RIMBP2: variants seen among roughly 807,000 people sequenced by gnomAD.
RIMBP2 encodes RIMS binding protein 2, also known as RIMS-binding protein 2.
A neutral mutation model predicts 118.6 loss-of-function variants in RIMBP2; 48 were observed. That is an observed-to-expected ratio of 0.40 (90% CI 0.32 to 0.51). The LOEUF is 0.51. RIMBP2 is among the 20% of genes least tolerant of loss of function. The pLI is 0.41. For missense variants in RIMBP2, 1,551 were observed against 1,768.3 expected, an observed-to-expected ratio of 0.88 and a Z score of 2.20; for synonymous variants, 762 against 742.9, an observed-to-expected ratio of 1.03 and a Z score of -0.42.
Position 130,437,005 on chromosome 12 carries a change from G to C in RIMBP2, c.1943C>G (p.Pro648Arg). The C allele has an allele frequency of 6.2e-7, 1 of 1,603,936 alleles. No individual in the cohort carries two copies. Among genetic ancestry groups the C allele is most frequent in the South Asian group, 1.1e-5 (1 of 89,466 alleles). The change falls in exon 13 of 23, where the codon CCT (proline) becomes CGT (arginine). Residue 648 changes from proline to arginine, a missense_variant. This residue lies in a region of RIMBP2 where 1,038 missense variants were observed against 1,125.1 expected (regional missense o/e 0.92). Coordinates refer to ENST00000690449, the MANE Select transcript of RIMBP2 (RefSeq NM_001393629.1). ...CAGCATGTGCCCATGCACAGGGCCA[G>C]GTGCACGGCTCTGCTCCCAGGCCTC... is the stretch of plus-strand genomic sequence containing the variant. ...MDEAWEQSRA[P>R]GPVHGHMLEP...
In RIMBP2 at chr12:130,620,815, AG is replaced by A. The variant is rs1296899318; in HGVS notation, c.-217+7506del. Among the ~76,000 whole-genome samples, 1 of 152,136 alleles carries A rather than the reference AG, an allele frequency of 6.6e-6. No individual in the cohort carries two copies. The highest frequency in any genetic ancestry group is 1.9e-4 in the East Asian group (1 of 5,168). On this transcript the variant is annotated intron_variant, in intron 2 of 22. Transcript: ENST00000690449. The surrounding 1 kb of genome is among the most constrained non-coding windows in gnomAD (Gnocchi z 5.3). Reference sequence around the variant, plus strand: ...CGTCTCCAAGTAAGATCACATTTTGAGGGGGCTGGGCCTCCAACATTCTTTT... The same window carrying A: ...CGTCTCCAAGTAAGATCACATTTTGAGGGGCTGGGCCTCCAACATTCTTTT...
rs1479613327 is a variant in RIMBP2, at chr12:130,670,141, T to G, written c.-351-41685A>C. Among the ~76,000 whole-genome samples, 2 of 152,034 alleles carry G rather than the reference T, an allele frequency of 1.3e-5. No individual in the cohort carries two copies. The highest frequency in any genetic ancestry group is 3.9e-4 in the East Asian group (2 of 5,152). On this transcript the variant is annotated intron_variant, in intron 1 of 22. Transcript: ENST00000690449. This position sits in a 1 kb window ranked among gnomAD's most constrained non-coding sequence, Gnocchi z 4.9. ...ACCCCGGGGGCAGACACTGGAGTGA[T>G]GCTGCCAGGAGCCCAGGAATGCCTA...
Position 130,500,885 on chromosome 12 carries a change from C to T in RIMBP2, c.-4+5763G>A, listed in dbSNP as rs1457471141. 8.5e-5 allele frequency among the ~76,000 whole-genome samples: 13 copies of T among 152,234 alleles called. No homozygotes were observed. The East Asian group carries it at 2.5e-3, about 29-fold the overall frequency. ...AGCTTCATGCTTTAACCCAAGTGAG[C>T]CGCTTCTATCACTCTACCACACGCG... On this transcript the variant is annotated intron_variant, in intron 4 of 22. Transcript: ENST00000690449.
intron 3 of RIMBP2, among the ~76,000 whole-genome samples, chr12:130,508,654 G>A (rs2050599949): frequency 6.6e-6 from 1 of 152,076 alleles, no homozygotes; most frequent in African/African-American, 2.4e-5. Flanking sequence ...GTGTCCACGT[G>A]TGCTCAGCAC....
At chr12:130,624,217 C>G (rs2061489300) in intron 2 of RIMBP2, among the ~76,000 whole-genome samples, 1 of 152,208 alleles carries the variant, frequency 6.6e-6, no homozygotes, top group Admixed American at 6.5e-5. Context: ...ATATAGTTTT[C>G]TTTAAAGCAC....
At chr12:130,574,096 C>G (rs1005271505) in intron 2 of RIMBP2, among the ~76,000 whole-genome samples, 3 of 152,068 alleles carry the variant, frequency 2.0e-5, no homozygotes, top group Non-Finnish European at 2.9e-5. Context: ...TACTTTCCCC[C>G]CTTCAGAGGG....
At chr12:130,711,367 C>A (rs1051951499) in intron 1 of RIMBP2, among the ~76,000 whole-genome samples, 6 of 152,190 alleles carry the variant, frequency 3.9e-5, no homozygotes, top group Non-Finnish European at 8.8e-5. Context: ...TCACGTTTTG[C>A]TGGATTCCAT....
chr12:130,494,448 G>A (rs941530997), intron 4 of RIMBP2, among the ~76,000 whole-genome samples: 1 of 152,080 alleles, frequency 6.6e-6, no homozygotes, highest in Non-Finnish European at 1.5e-5. Flanking sequence ...AGACCAGCCT[G>A]GCCAACATGC....
chr12:130,636,751 G>A (rs755174049), intron 1 of RIMBP2, among the ~76,000 whole-genome samples: 9 of 152,178 alleles, frequency 5.9e-5, no homozygotes, highest in Non-Finnish European at 7.3e-5. Flanking sequence ...AGAGAACAGC[G>A]CTGAGCTATG....
chr12:130,598,114 T>G (rs534617767), intron 2 of RIMBP2, among the ~76,000 whole-genome samples: 1 of 152,186 alleles, frequency 6.6e-6, no homozygotes, highest in East Asian at 1.9e-4. Flanking sequence ...AACTTAAAGT[T>G]TAAAAAAATA....
At chr12:130,690,182 T>A (rs1235781495) in intron 1 of RIMBP2, among the ~76,000 whole-genome samples, 1 of 152,204 alleles carries the variant, frequency 6.6e-6, no homozygotes, top group East Asian at 1.9e-4. Context: ...GCTCTCGGCT[T>A]GTGCAGGCTC....
chr12:130,650,996 T>C (rs894445325), intron 1 of RIMBP2, among the ~76,000 whole-genome samples: 4 of 148,416 alleles, frequency 2.7e-5, no homozygotes, highest in African/African-American at 9.9e-5. Flanking sequence ...GAAAAGAAAC[T>C]GCTTTGTAAA....
At chr12:130,502,864 G>T (rs1451756146) in intron 4 of RIMBP2, among the ~76,000 whole-genome samples, 1 of 152,128 alleles carries the variant, frequency 6.6e-6, no homozygotes, top group African/African-American at 2.4e-5. Context: ...GATGCCACGT[G>T]TGTCTCACTA....
chr12:130,643,651 C>T (rs2062723846), intron 1 of RIMBP2, among the ~76,000 whole-genome samples: 1 of 152,194 alleles, frequency 6.6e-6, no homozygotes, highest in Non-Finnish European at 1.5e-5. Flanking sequence ...CCAGGCTGCA[C>T]TCTGCGGAGG....
In RIMBP2 at chr12:130,447,472, G is replaced by A. The variant is rs549960276; in HGVS notation, c.582-2203C>T. Reference sequence around the variant, plus strand: ...ACAGAAGTAGGTCAGGGGTCACGCAGCGCTGGAGGCGGGGGAGGAGGGACA... The same window carrying A: ...ACAGAAGTAGGTCAGGGGTCACGCAACGCTGGAGGCGGGGGAGGAGGGACA... On this transcript the variant is annotated intron_variant, in intron 9 of 22. Transcript: ENST00000690449. The surrounding 1 kb of genome is among the most constrained non-coding windows in gnomAD (Gnocchi z 4.4). Among the ~76,000 whole-genome samples the A allele has an allele frequency of 2.0e-5, 3 of 152,294 alleles. No homozygotes were observed. In the East Asian group the frequency reaches 5.8e-4, roughly 29 times the overall value.
chr12:130,450,716 C>T lies in RIMBP2; in HGVS notation c.505-440G>A, dbSNP rs950069583. Among the ~76,000 whole-genome samples the T allele has an allele frequency of 6.6e-6, 1 of 151,314 alleles. No individual in the cohort carries two copies. Among genetic ancestry groups the T allele is most frequent in the Admixed American group, 6.6e-5 (1 of 15,154 alleles). On this transcript the variant is annotated intron_variant, in intron 8 of 22. Coordinates refer to ENST00000690449, the MANE Select transcript of RIMBP2 (RefSeq NM_001393629.1). This position sits in a 1 kb window ranked among gnomAD's most constrained non-coding sequence, Gnocchi z 4.8. Reference sequence around the variant, plus strand: ...CAGTCTTTAAGCAGGAATTAGACCACATCACCCCCTGCCTTAACAGCTTTC... The same window carrying T: ...CAGTCTTTAAGCAGGAATTAGACCATATCACCCCCTGCCTTAACAGCTTTC...
chr12:130,485,038 A>G (rs2082361077), intron 4 of RIMBP2, among the ~76,000 whole-genome samples: 1 of 151,012 alleles, frequency 6.6e-6, no homozygotes, highest in Non-Finnish European at 1.5e-5. Flanking sequence ...GTTATGTTTT[A>G]GTCCCAAGAG....
In RIMBP2 at chr12:130,655,818, G is replaced by A. The variant is rs2063404214; in HGVS notation, c.-351-27362C>T. 5.3e-5 allele frequency among the ~76,000 whole-genome samples: 8 copies of A among 152,366 alleles called. No individual in the cohort carries two copies. In the South Asian group the frequency reaches 1.7e-3, roughly 32 times the overall value. On this transcript the variant is annotated intron_variant, in intron 1 of 22. Transcript: ENST00000690449. ...TGAAGCCAGCCAGAATGAAAAGGGAGGGACGTTGGCTTCAGACAGAGCAGC... is the reference window on the plus strand; with the variant it reads ...TGAAGCCAGCCAGAATGAAAAGGGAAGGACGTTGGCTTCAGACAGAGCAGC...
At chr12:130,418,380 C>G (rs578124860) in intron 17 of RIMBP2, among the ~76,000 whole-genome samples, 1 of 152,140 alleles carries the variant, frequency 6.6e-6, no homozygotes, top group Non-Finnish European at 1.5e-5. Context: ...GAATGTGAAG[C>G]GCTCCATGGC....
Sources: gnomAD v4.1 joint callset for allele counts (sites outside exome capture counted in the v4.1 genomes callset) on GRCh38, gnomAD v4.1.1 for gene constraint, gnomAD v4.1.1 regional missense constraint, Gnocchi (gnomAD v3.1) non-coding constraint, MANE v1.5 for transcripts, NCBI Gene and HGNC (gene_info 2026-07-23, HGNC 2026-07-21) for gene names.